Variants in AFG2A observed in about 807,000 individuals in gnomAD.
AFG2A encodes the protein ATPase family gene 2 protein homolog A.
chr4:123,217,567 C>T, the AFG2A span, among the ~76,000 whole-genome samples: 949 of 152,298 alleles, frequency 6.2e-3, 5 homozygotes, highest in Non-Finnish European at 9.2e-3. Context: ...GGAAAACTTA[C>T]ACAGCTGAAG....
At chr4:123,078,057 G>A in the AFG2A span, among the ~76,000 whole-genome samples, 2 of 152,178 alleles carry the variant, frequency 1.3e-5, no homozygotes, top group African/African-American at 2.4e-5. Flanking sequence ...TGGGTTGGAC[G>A]ATTCCGTTAA....
At chr4:123,206,135 T>G in the AFG2A span, among the ~76,000 whole-genome samples, 1 of 152,144 alleles carries the variant, frequency 6.6e-6, no homozygotes, top group South Asian at 2.1e-4. Context: ...TCAGAGGACT[T>G]TTCGAAATGT....
At chr4:122,934,574 C>T in the AFG2A span, 29 of 1,613,160 alleles carry the variant, frequency 1.8e-5, no homozygotes, top group Non-Finnish European at 2.3e-5. Flanking sequence ...TTTATTTCTT[C>T]AACAACAAGA....
chr4:123,310,681 G>A, the AFG2A span, among the ~76,000 whole-genome samples: 1 of 152,210 alleles, frequency 6.6e-6, no homozygotes, highest in Non-Finnish European at 1.5e-5. Flanking sequence ...GCTTAATATA[G>A]TTATTGCACA....
At chr4:123,029,488 G>A in the AFG2A span, among the ~76,000 whole-genome samples, 1 of 152,132 alleles carries the variant, frequency 6.6e-6, no homozygotes, top group Non-Finnish European at 1.5e-5. Context: ...TGATACTTAG[G>A]TGTGATTAAG....
the AFG2A span, among the ~76,000 whole-genome samples, chr4:123,307,309 T>G: frequency 1.3e-5 from 2 of 152,162 alleles, no homozygotes; most frequent in Non-Finnish European, 2.9e-5. Flanking sequence ...CCCAGCTCCA[T>G]CTGCATTTTG....
At chr4:123,309,816 C>T in the AFG2A span, among the ~76,000 whole-genome samples, 1 of 152,160 alleles carries the variant, frequency 6.6e-6, no homozygotes, top group Non-Finnish European at 1.5e-5. Flanking sequence ...CATGTCTGGT[C>T]CCAAGCATTT....
chr4:122,963,776 T>C, the AFG2A span, among the ~76,000 whole-genome samples: 9 of 152,326 alleles, frequency 5.9e-5, no homozygotes, highest in Admixed American at 1.3e-4. Flanking sequence ...GAAGCAGATA[T>C]AGTGATTGTC....
chr4:123,279,619 A>T, the AFG2A span, among the ~76,000 whole-genome samples: 1 of 152,210 alleles, frequency 6.6e-6, no homozygotes, highest in African/African-American at 2.4e-5. Context: ...TCCTAGGGTC[A>T]TTGTGAAGAT....
chr4:123,198,929 G>A, the AFG2A span, among the ~76,000 whole-genome samples: 2 of 152,194 alleles, frequency 1.3e-5, no homozygotes, highest in African/African-American at 4.8e-5. Context: ...GTGGTAGCCT[G>A]ATTTAACATA....
the AFG2A span, among the ~76,000 whole-genome samples, chr4:123,070,327 C>G: frequency 6.6e-6 from 1 of 152,102 alleles, no homozygotes; most frequent in African/African-American, 2.4e-5. Context: ...TTTCTTTGTG[C>G]TAAGTACTGT....
the AFG2A span, among the ~76,000 whole-genome samples, chr4:123,176,061 C>T: frequency 5.3e-5 from 8 of 152,184 alleles, no homozygotes; most frequent in African/African-American, 1.7e-4. Flanking sequence ...GCAGAGACAA[C>T]ACCATGATTG....
At chr4:123,152,654 C>T in the AFG2A span, among the ~76,000 whole-genome samples, 1 of 152,214 alleles carries the variant, frequency 6.6e-6, no homozygotes, top group East Asian at 1.9e-4. Context: ...TCATTCACTG[C>T]TGGTGGGACT....
At chr4:123,160,118 T>C in the AFG2A span, among the ~76,000 whole-genome samples, 2 of 152,104 alleles carry the variant, frequency 1.3e-5, no homozygotes, top group Non-Finnish European at 2.9e-5. Context: ...CAAGTTGTGC[T>C]ACTTCTCTGA....
the AFG2A span, among the ~76,000 whole-genome samples, chr4:123,077,205 G>A: frequency 1.3e-5 from 2 of 151,836 alleles, no homozygotes; most frequent in Non-Finnish European, 2.9e-5. Context: ...ATGCCACCAC[G>A]CCTGGCTAAT....
the AFG2A span, chr4:122,923,196 G>A: frequency 6.2e-7 from 1 of 1,614,230 alleles, no homozygotes; most frequent in Non-Finnish European, 8.5e-7. Flanking sequence ...AAAATGGTTC[G>A]TCCTTGCCCT....
the AFG2A span, among the ~76,000 whole-genome samples, chr4:123,053,571 G>T: frequency 1.4e-3 from 215 of 152,208 alleles, no homozygotes; most frequent in Non-Finnish European, 2.5e-3. Flanking sequence ...TGTAACAGGG[G>T]GGTCTGGTAC....
the AFG2A span, among the ~76,000 whole-genome samples, chr4:123,170,104 T>C: frequency 6.6e-6 from 1 of 152,186 alleles, no homozygotes; most frequent in Non-Finnish European, 1.5e-5. Flanking sequence ...CTAATTATAA[T>C]GTGCAAAGAC....
chr4:123,058,357 G>T, the AFG2A span, among the ~76,000 whole-genome samples: 35 of 152,330 alleles, frequency 2.3e-4, no homozygotes, highest in South Asian at 6.2e-3. Context: ...GGGCGCCGTG[G>T]CTCACGCCTG....
Sources: gnomAD v4.1 joint callset for allele counts (sites outside exome capture counted in the v4.1 genomes callset) on GRCh38, gnomAD v4.1.1 for gene constraint, MANE v1.5 for transcripts, NCBI Gene and HGNC (gene_info 2026-07-23, HGNC 2026-07-21) for gene names.